LMX1B: variants seen among roughly 807,000 people sequenced by gnomAD.
LMX1B encodes LIM homeobox transcription factor 1-beta.
In LMX1B, 12 loss-of-function variants were observed where a neutral mutation model predicts 51.4. That is an observed-to-expected ratio of 0.23 (90% CI 0.15 to 0.38). LMX1B has a LOEUF of 0.38. Ranked by LOEUF, LMX1B falls within the 10% of genes least tolerant of loss-of-function variation. The pLI is 1.00. For missense variants in LMX1B, 445 were observed against 571.1 expected, an observed-to-expected ratio of 0.78 and a Z score of 2.25; for synonymous variants, 237 against 235.4, an observed-to-expected ratio of 1.01 and a Z score of -0.06.
intron 2 of LMX1B, among the ~76,000 whole-genome samples, chr9:126,684,312 A>G (rs3861877): frequency 0.23 from 34,980 of 152,096 alleles, 4,970 homozygotes; most frequent in Middle Eastern, 0.37. Context: ...CAGTGCAATT[A>G]CGGGGCTTCA....
chr9:126,676,147 G>A (rs902869720), intron 2 of LMX1B, among the ~76,000 whole-genome samples: 1 of 151,566 alleles, frequency 6.6e-6, no homozygotes, highest in Non-Finnish European at 1.5e-5. Context: ...CCAGGCACCC[G>A]CCCTTCCCTC....
At chr9:126,624,695 G>C (rs1471870342) in intron 2 of LMX1B, among the ~76,000 whole-genome samples, 2 of 151,782 alleles carry the variant, frequency 1.3e-5, no homozygotes, top group African/African-American at 4.8e-5. Context: ...TGGTTTGCAG[G>C]GGGGAAATGT....
intron 2 of LMX1B, among the ~76,000 whole-genome samples, chr9:126,655,946 G>T (rs1836108561): frequency 6.6e-6 from 1 of 152,172 alleles, no homozygotes; most frequent in Admixed American, 6.5e-5. Flanking sequence ...AGGAGGCGAA[G>T]AGTCAGTCAG....
intron 2 of LMX1B, among the ~76,000 whole-genome samples, chr9:126,642,559 G>A (rs945177873): frequency 2.0e-5 from 3 of 152,172 alleles, no homozygotes; most frequent in Non-Finnish European, 4.4e-5. Flanking sequence ...TGGAGGGGCT[G>A]GCCCTGCCTC....
intron 2 of LMX1B, among the ~76,000 whole-genome samples, chr9:126,654,829 G>C (rs1278402442): frequency 6.6e-6 from 1 of 152,166 alleles, no homozygotes; most frequent in Admixed American, 6.5e-5. Context: ...CCCTGCATCA[G>C]GCTAATGGTT....
At position 126,696,298 on chromosome 9, in the gene LMX1B, C is replaced by T. The variant is rs772792162; in HGVS notation, c.1056C>T (p.Asn352=). 51 of 1,613,888 alleles carry T rather than the reference C, an allele frequency of 3.2e-5. No homozygotes were observed. Among genetic ancestry groups the T allele is most frequent in the Admixed American group, 3.0e-4 (18 of 60,006 alleles). ...MPGDHMNPYG[N]DSIFHDIDSD... ...GACACCCCTTCTGCCCCCCAGGGAACGACTCCATCTTCCATGACATCGACA... is the reference window on the plus strand; with the variant it reads ...GACACCCCTTCTGCCCCCCAGGGAATGACTCCATCTTCCATGACATCGACA... Residue 352 remains asparagine (N), a synonymous_variant, in exon 8 of 8, where the codon AAC becomes AAT. Transcript: ENST00000373474.
chr9:126,620,140 A>G (rs1835380023), intron 2 of LMX1B, among the ~76,000 whole-genome samples: 1 of 152,160 alleles, frequency 6.6e-6, no homozygotes, highest in African/African-American at 2.4e-5. Flanking sequence ...CAGGTTCTCT[A>G]CCCAGGTTCC....
chr9:126,668,753 C>T (rs1262596059), intron 2 of LMX1B, among the ~76,000 whole-genome samples: 1 of 152,136 alleles, frequency 6.6e-6, no homozygotes, highest in Non-Finnish European at 1.5e-5. Flanking sequence ...CGTGCCTGGC[C>T]CAGAAGCAGA....
rs532886067 is a variant in LMX1B, at chr9:126,641,605, C to G, written c.326+26036C>G. On this transcript the variant is annotated intron_variant, in intron 2 of 7. Coordinates refer to ENST00000373474, the MANE Select transcript of LMX1B (RefSeq NM_001174147.2). This position sits in a 1 kb window ranked among gnomAD's most constrained non-coding sequence, Gnocchi z 4.1. ...GGTTCCTCCCTGTCTTGCCACCTCC[C>G]GCTTCTGTTCAGCAGCTCAAGTTTC... Among the ~76,000 whole-genome samples the G allele has an allele frequency of 7.2e-5, 11 of 152,156 alleles. No homozygotes were observed. Among genetic ancestry groups the G allele is most frequent in the Non-Finnish European group, 1.0e-4 (7 of 68,026 alleles).
Position 126,615,406 on chromosome 9 carries a change from G to A in LMX1B, c.163G>A (p.Val55Ile), listed in dbSNP as rs1835283920. Residue 55 changes from valine to isoleucine, a missense_variant, in exon 2 of 8, where the codon GTC (valine) becomes ATC (isoleucine). This residue lies in a region of LMX1B where 273 missense variants were observed against 343.3 expected (regional missense o/e 0.80). Transcript: ENST00000373474. The surrounding 1 kb of genome is among the most constrained non-coding windows in gnomAD (Gnocchi z 6.0). ...LLGSDCPHPA[V>I]CEGCQRPISD... ...AGGCTCCGACTGCCCGCATCCCGCC[G>A]TCTGCGAGGGCTGCCAGCGGCCCAT... 6.2e-7 allele frequency: 1 copy of A among 1,604,194 alleles called. No individual in the cohort carries two copies. The highest frequency in any genetic ancestry group is 8.5e-7 in the Non-Finnish European group (1 of 1,176,186).
chr9:126,686,107 G>A (rs1207230818), intron 2 of LMX1B, among the ~76,000 whole-genome samples: 6 of 151,862 alleles, frequency 4.0e-5, no homozygotes, highest in African/African-American at 7.3e-5. Context: ...GTGAAACCCC[G>A]TCTCTACTAA....
At chr9:126,691,239 A>G (rs2030119345) in intron 3 of LMX1B, among the ~76,000 whole-genome samples, 171 bp downstream of exon 3, 2 of 152,170 alleles carry the variant, frequency 1.3e-5, no homozygotes, top group African/African-American at 4.8e-5. Flanking sequence ...ACCTGTGTGC[A>G]CATGATACGA....
intron 2 of LMX1B, among the ~76,000 whole-genome samples, chr9:126,620,048 C>G (rs1172306213): frequency 6.6e-6 from 1 of 152,140 alleles, no homozygotes; most frequent in Non-Finnish European, 1.5e-5. Context: ...TATTAATACT[C>G]TGGAAGTTAT....
At chr9:126,661,639 TCTGTGGAGCC>T (rs904961308) in intron 2 of LMX1B, among the ~76,000 whole-genome samples, 48 of 152,118 alleles carry the variant, frequency 3.2e-4, no homozygotes, top group African/African-American at 1.1e-3. Context: ...AGCCTGGGGC[TCTGTGGAGCC>T]CTGTGGGGCC....
intron 2 of LMX1B, among the ~76,000 whole-genome samples, chr9:126,654,291 G>A (rs1836072230): frequency 6.6e-6 from 1 of 152,208 alleles, no homozygotes; most frequent in Non-Finnish European, 1.5e-5. Flanking sequence ...CCCCCTGGCT[G>A]GGCTCCCACA....
At position 126,693,618 on chromosome 9, in the gene LMX1B, C is replaced by T; in HGVS notation, c.819+17C>T. 1 of 1,613,826 alleles carries T rather than the reference C, an allele frequency of 6.2e-7. No individual in the cohort carries two copies. Among genetic ancestry groups the T allele is most frequent in the South Asian group, 1.1e-5 (1 of 91,054 alleles). On this transcript the variant is annotated intron_variant, in intron 5 of 7. Transcript: ENST00000373474. ...AGAGCAAAGGTAAGAGGCCACCCCCCATCCCCACTGGCCCCGGGTAGGGTG... is the reference window on the plus strand; with the variant it reads ...AGAGCAAAGGTAAGAGGCCACCCCCTATCCCCACTGGCCCCGGGTAGGGTG...
intron 2 of LMX1B, among the ~76,000 whole-genome samples, chr9:126,638,144 G>A (rs985897065): frequency 6.6e-6 from 1 of 152,014 alleles, no homozygotes; most frequent in Non-Finnish European, 1.5e-5. Flanking sequence ...GCAGGTTCCC[G>A]AAGCCTGAGG....
At chr9:126,622,540 G>C (rs956529709) in intron 2 of LMX1B, among the ~76,000 whole-genome samples, 1 of 152,228 alleles carries the variant, frequency 6.6e-6, no homozygotes, top group Non-Finnish European at 1.5e-5. Context: ...CAGCGGTGAC[G>C]GGAGGGGAGG....
chr9:126,682,693 GAGAC>G (rs1836697697), intron 2 of LMX1B, among the ~76,000 whole-genome samples: 1 of 152,188 alleles, frequency 6.6e-6, no homozygotes, highest in African/African-American at 2.4e-5. Context: ...TCAGGAGATC[GAGAC>G]CAGCCTGGCT....
Sources: allele counts gnomAD v4.1 joint callset (sites outside exome capture counted in the v4.1 genomes callset), GRCh38; gene constraint gnomAD v4.1.1; regional missense constraint gnomAD v4.1.1; non-coding constraint Gnocchi (gnomAD v3.1); transcripts MANE v1.5; gene names NCBI Gene and HGNC (gene_info 2026-07-23, HGNC 2026-07-21).